The following MEGF11 variants were observed in gnomAD, a reference collection of about 807,000 sequenced individuals.
MEGF11 encodes multiple epidermal growth factor-like domains protein 11.
A neutral mutation model predicts 146.6 loss-of-function variants in MEGF11; 126 were observed. That is an observed-to-expected ratio of 0.86 (90% CI 0.74 to 1.00). MEGF11 has a LOEUF of 1.00. Among genes scored for constraint, MEGF11 ranks in the 50% least tolerant of loss-of-function variants. The pLI is 0.00. For missense variants in MEGF11, 1,509 were observed against 1,521.2 expected, an observed-to-expected ratio of 0.99 and a Z score of 0.13; for synonymous variants, 532 against 583.4, an observed-to-expected ratio of 0.91 and a Z score of 1.27.
chr15:66,056,519 C>G (rs549023802), intron 5 of MEGF11, among the ~76,000 whole-genome samples: 1 of 152,146 alleles, frequency 6.6e-6, no homozygotes, highest in Non-Finnish European at 1.5e-5. Flanking sequence ...TTAGCCTGCC[C>G]CCGATCTTCA....
intron 5 of MEGF11, among the ~76,000 whole-genome samples, chr15:66,048,873 C>T (rs1438226545): frequency 6.6e-6 from 1 of 152,192 alleles, no homozygotes; most frequent in Non-Finnish European, 1.5e-5. Context: ...CAGGCATTAC[C>T]CCCTCCAGAC....
chr15:65,910,241 A>G (rs2078758002), intron 21 of MEGF11, among the ~76,000 whole-genome samples: 1 of 152,108 alleles, frequency 6.6e-6, no homozygotes, highest in African/African-American at 2.4e-5. Context: ...ATTGGGGCTG[A>G]ATGTGAGATT....
At chr15:66,003,737 A>G (rs2082434257) in intron 5 of MEGF11, among the ~76,000 whole-genome samples, 1 of 152,184 alleles carries the variant, frequency 6.6e-6, no homozygotes. Flanking sequence ...GTCCAGGTGC[A>G]TGACGGCCTG....
At chr15:66,048,260 T>G (rs931745979) in intron 5 of MEGF11, among the ~76,000 whole-genome samples, 1 of 152,168 alleles carries the variant, frequency 6.6e-6, no homozygotes, top group Non-Finnish European at 1.5e-5. Flanking sequence ...GGAGGGTTTG[T>G]TTTACTAACT....
Position 65,897,157 on chromosome 15 carries a change from G to A in MEGF11, c.*777C>T, listed in dbSNP as rs2078373570. 6.6e-6 allele frequency: 1 copy of A among 152,178 alleles called. No individual in the cohort carries two copies. The highest frequency in any genetic ancestry group is 2.1e-4 in the South Asian group (1 of 4,828). The allele number at this position is 152,178 out of a possible 1,614,324, so 9.4% of individuals were successfully genotyped here. A position where few individuals can be genotyped will look rare whatever the true frequency, so the allele number is the denominator to read the frequency against. On this transcript the variant is annotated 3_prime_UTR_variant, in exon 26 of 26. Coordinates refer to ENST00000395614, the MANE Select transcript of MEGF11 (RefSeq NM_001385028.1). ...GGTGTCGGATGGACTAAGTAGATAT[G>A]ACAAAGCCAGGACTAACTTGTAATG...
intron 1 of MEGF11, among the ~76,000 whole-genome samples, chr15:66,170,267 T>C (rs2090212442): frequency 6.6e-6 from 1 of 152,212 alleles, no homozygotes; most frequent in Non-Finnish European, 1.5e-5. Context: ...CCGCTCAGCC[T>C]GCCAGGGGCG....
chr15:65,980,936 T>A, intron 6 of MEGF11, 38 bp from the exon 7 acceptor site: 1 of 1,519,372 alleles, frequency 6.6e-7, no homozygotes, highest in South Asian at 1.3e-5. Flanking sequence ...ACAGCAGCAT[T>A]CAGATCAGGT....
At chr15:65,980,351 C>T (rs72742853) in intron 7 of MEGF11, among the ~76,000 whole-genome samples, 15,917 of 140,888 alleles carry the variant, frequency 0.11, 1,120 homozygotes, top group Middle Eastern at 0.22. Flanking sequence ...TGCCCTATGG[C>T]GATAAATAGG....
Position 66,007,058 on chromosome 15 carries a change from G to A in MEGF11, c.395-24570C>T, listed in dbSNP as rs906409830. On this transcript the variant is annotated intron_variant, in intron 5 of 25. Transcript: ENST00000395614. ...CTAACAGCAAGGCTAATTCAGGTTC[G>A]GATTCAGCGGCTGCACGCTGTTGAC... Among the ~76,000 whole-genome samples the A allele has an allele frequency of 5.9e-5, 9 of 152,308 alleles. No individual in the cohort carries two copies. The East Asian group carries it at 9.6e-4, about 16-fold the overall frequency.
chr15:65,989,835 CT>C (rs2081976068), intron 5 of MEGF11, among the ~76,000 whole-genome samples: 1 of 152,166 alleles, frequency 6.6e-6, no homozygotes, highest in African/African-American at 2.4e-5. Context: ...AAGACAGCAT[CT>C]GGAAATGGGA....
In MEGF11 at chr15:65,976,098, AATGAT is replaced by A. The variant is rs1438818410; in HGVS notation, c.762+4675_762+4679del. On this transcript the variant is annotated intron_variant, in intron 7 of 25. Transcript: ENST00000395614. ...CGCTCTGTTGCCCAGGCTGGAGTGCAATGATGTGATCTCAGCTCACTGCAACCTCC... is the reference window on the plus strand; with the variant it reads ...CGCTCTGTTGCCCAGGCTGGAGTGCAGTGATCTCAGCTCACTGCAACCTCC... Among the ~76,000 whole-genome samples the A allele has an allele frequency of 2.1e-5, 3 of 142,716 alleles. No individual in the cohort carries two copies. The East Asian group carries it at 6.1e-4, about 29-fold the overall frequency. 93.6% of individuals were successfully genotyped at this position (142,716 alleles called of 152,430 possible).
At chr15:66,061,152 G>C (rs925190774) in intron 5 of MEGF11, among the ~76,000 whole-genome samples, 33 of 152,220 alleles carry the variant, frequency 2.2e-4, no homozygotes, top group African/African-American at 7.7e-4. Context: ...GTGACTGAAG[G>C]CTGTCACCTC....
intron 5 of MEGF11, among the ~76,000 whole-genome samples, chr15:66,070,438 G>A (rs558196699): frequency 1.6e-4 from 25 of 152,324 alleles, no homozygotes; most frequent in African/African-American, 5.8e-4. Flanking sequence ...TGACAACCAG[G>A]ACCAGTTTGG....
intron 1 of MEGF11, among the ~76,000 whole-genome samples, chr15:66,227,936 A>T (rs2091887955): frequency 1.3e-5 from 2 of 151,964 alleles, no homozygotes; most frequent in Admixed American, 6.6e-5. Flanking sequence ...CCCCACTCCA[A>T]TGACACATGC....
intron 25 of MEGF11, 143 bp from the exon 26 acceptor site, chr15:65,898,237 G>A (rs149560797): frequency 1.0e-4 from 148 of 1,429,262 alleles, no homozygotes; most frequent in South Asian, 4.9e-4. Context: ...TAGGACTGAG[G>A]CTTGCTCAGG....
At chr15:65,996,253 G>A (rs2082194219) in intron 5 of MEGF11, among the ~76,000 whole-genome samples, 1 of 152,200 alleles carries the variant, frequency 6.6e-6, no homozygotes, top group Non-Finnish European at 1.5e-5. Context: ...GATGAGAAGA[G>A]CACGTCCAAA....
chr15:66,128,686 C>T (rs963902798), intron 1 of MEGF11, among the ~76,000 whole-genome samples: 1 of 152,110 alleles, frequency 6.6e-6, no homozygotes, highest in African/African-American at 2.4e-5. Flanking sequence ...CAGGAAAATG[C>T]CCACAAGTGC....
chr15:66,104,793 C>T (rs1442996591), intron 4 of MEGF11, among the ~76,000 whole-genome samples: 1 of 152,156 alleles, frequency 6.6e-6, no homozygotes, highest in Non-Finnish European at 1.5e-5. Flanking sequence ...GGTCAGGGCG[C>T]ACATCTAACA....
At chr15:66,196,717 A>G (rs558313023) in intron 1 of MEGF11, among the ~76,000 whole-genome samples, 8 of 152,316 alleles carry the variant, frequency 5.3e-5, no homozygotes, top group Admixed American at 2.0e-4. Flanking sequence ...AAGACCAGAA[A>G]CTATTGCCTG....
Sources: gnomAD v4.1 joint callset for allele counts (sites outside exome capture counted in the v4.1 genomes callset) on GRCh38, gnomAD v4.1.1 for gene constraint, MANE v1.5 for transcripts, NCBI Gene and HGNC (gene_info 2026-07-23, HGNC 2026-07-21) for gene names.